Variants in CYP2C19 observed in about 807,000 individuals in gnomAD.
The protein encoded by CYP2C19 is cytochrome P450 2C19.
CYP2C19 carries 59 observed loss-of-function variants against 40.9 expected under a neutral mutation model. The observed-to-expected ratio is 1.44, with a 90% CI of 1.17 to 1.79. CYP2C19 has a LOEUF of 1.79. CYP2C19 is among the 40% of genes most tolerant of loss of function. The probability of loss-of-function intolerance (pLI) is 0.00; values close to 1 mark genes in which losing one functional copy is unlikely to be tolerated. For synonymous variants in CYP2C19, 253 were observed against 208.7 expected, an observed-to-expected ratio of 1.21 and a Z score of -1.83; for missense variants, 754 against 596.9, an observed-to-expected ratio of 1.26 and a Z score of -2.74.
chr10:94,785,609 A>G (rs907011770), intron 5 of CYP2C19, among the ~76,000 whole-genome samples: 2 of 152,166 alleles, frequency 1.3e-5, no homozygotes, highest in African/African-American at 4.8e-5. Flanking sequence ...ACTGATACAG[A>G]AATTAAGAAG....
At chr10:94,800,956 C>T (rs1001716678) in intron 5 of CYP2C19, among the ~76,000 whole-genome samples, 5 of 152,318 alleles carry the variant, frequency 3.3e-5, no homozygotes, top group African/African-American at 1.2e-4. Context: ...AGGGAAATCC[C>T]TTAACACCTT....
At chr10:94,791,884 A>T (rs983257245) in intron 5 of CYP2C19, among the ~76,000 whole-genome samples, 1 of 152,120 alleles carries the variant, frequency 6.6e-6, no homozygotes, top group Non-Finnish European at 1.5e-5. Flanking sequence ...TATTAGGTCC[A>T]CTTGGTGCAG....
At chr10:94,785,958 C>G (rs952884305) in intron 5 of CYP2C19, among the ~76,000 whole-genome samples, 4 of 152,096 alleles carry the variant, frequency 2.6e-5, no homozygotes, top group Non-Finnish European at 4.4e-5. Context: ...AAATGCCACA[C>G]CTGATTGAGC....
In CYP2C19 at chr10:94,794,577, G is replaced by C. The variant is rs369887659; in HGVS notation, c.819+12580G>C. Among the ~76,000 whole-genome samples, 2 of 151,908 alleles carry C rather than the reference G, an allele frequency of 1.3e-5. 1 individual carries two copies. ...ATTTCTTTGTGTCCTCTTTTATTTTGTTGAGCAGTGGTTGGTAGTTCTCCT... is the reference window on the plus strand; with the variant it reads ...ATTTCTTTGTGTCCTCTTTTATTTTCTTGAGCAGTGGTTGGTAGTTCTCCT... On this transcript the variant is annotated intron_variant, in intron 5 of 8. Coordinates refer to ENST00000371321, the MANE Select transcript of CYP2C19 (RefSeq NM_000769.4).
At chr10:94,786,483 T>C (rs2134243158) in intron 5 of CYP2C19, among the ~76,000 whole-genome samples, 1 of 152,226 alleles carries the variant, frequency 6.6e-6, no homozygotes, top group East Asian at 1.9e-4. Flanking sequence ...GTTATGATCA[T>C]TGCTTGCCTG....
rs147064804 is a variant in CYP2C19, at chr10:94,838,655, G to C, written c.962-4182G>C. Among the ~76,000 whole-genome samples, 474 of 152,108 alleles carry C rather than the reference G, an allele frequency of 3.1e-3. 3 individuals are homozygous for C. The highest frequency in any genetic ancestry group is 0.011 in the African/African-American group (451 of 41,486). Reference sequence around the variant, plus strand: ...TCTTTTTGGACGGTTTGTGTTGAAGGGGGATCCTTGTTAGCTGGGGAAGGA... The same window carrying C: ...TCTTTTTGGACGGTTTGTGTTGAAGCGGGATCCTTGTTAGCTGGGGAAGGA... On this transcript the variant is annotated intron_variant, in intron 6 of 8. Coordinates refer to ENST00000371321, the MANE Select transcript of CYP2C19 (RefSeq NM_000769.4).
chr10:94,791,044 A>C (rs751899079), intron 5 of CYP2C19, among the ~76,000 whole-genome samples: 3 of 151,916 alleles, frequency 2.0e-5, no homozygotes, highest in Non-Finnish European at 4.4e-5. Context: ...TCAATTTCAG[A>C]GCCTGTTATT....
At chr10:94,798,924 A>T (rs1025771452) in intron 5 of CYP2C19, among the ~76,000 whole-genome samples, 13 of 148,324 alleles carry the variant, frequency 8.8e-5, no homozygotes, top group African/African-American at 3.0e-4. Context: ...TCTCCTGAAT[A>T]CAGCACACTG....
chr10:94,813,646 C>T (rs1010039853), intron 5 of CYP2C19, among the ~76,000 whole-genome samples: 4 of 151,786 alleles, frequency 2.6e-5, no homozygotes, highest in South Asian at 2.1e-4. Context: ...CCCCCAAGCT[C>T]GAACATCCCC....
rs144337084 is a variant in CYP2C19, at chr10:94,796,657, C to G, written c.819+14660C>G. On this transcript the variant is annotated intron_variant, in intron 5 of 8. Coordinates refer to ENST00000371321, the MANE Select transcript of CYP2C19 (RefSeq NM_000769.4). ...GAATGTTCTTCCATTAGTTTGTGTC[C>G]TGTTTTATTTCATTGAGCAGTGGTT... is the stretch of plus-strand genomic sequence containing the variant. 9.0e-3 allele frequency among the ~76,000 whole-genome samples: 1,373 copies of G among 152,118 alleles called. 16 individuals carry two copies. Among genetic ancestry groups the G allele is most frequent in the Non-Finnish European group, 0.012 (808 of 68,006 alleles).
intron 6 of CYP2C19, among the ~76,000 whole-genome samples, chr10:94,827,554 T>C (rs1849249519): frequency 1.3e-5 from 2 of 152,182 alleles, no homozygotes; most frequent in South Asian, 4.1e-4. Context: ...CTTCTCTCTC[T>C]TTTTCTTTAT....
rs1849683664 is a variant in CYP2C19, at chr10:94,853,337, T to C, written c.*423T>C. On this transcript the variant is annotated 3_prime_UTR_variant, in exon 9 of 9. Transcript: ENST00000371321. The stretch of plus-strand genomic sequence containing the variant: ...AAGAAAATAGAGTTCCAGGAGGCCA[T>C]GCTGGTTCTCAAAACGATAAGGACA... 2 of 402,520 alleles carry C rather than the reference T, an allele frequency of 5.0e-6. No homozygotes were observed. Among genetic ancestry groups the C allele is most frequent in the Admixed American group, 3.8e-5 (1 of 26,574 alleles). 24.9% of individuals were successfully genotyped at this position (402,520 alleles called of 1,614,324 possible). A position where few individuals can be genotyped will look rare whatever the true frequency, so the allele number is the denominator to read the frequency against.
intron 1 of CYP2C19, among the ~76,000 whole-genome samples, chr10:94,764,801 C>T (rs1470255584): frequency 6.6e-6 from 1 of 152,096 alleles, no homozygotes; most frequent in Non-Finnish European, 1.5e-5. Flanking sequence ...GTTAAAAATA[C>T]AGGGCCTGAA....
intron 6 of CYP2C19, among the ~76,000 whole-genome samples, chr10:94,831,765 A>G (rs1409421252): frequency 6.6e-6 from 1 of 151,034 alleles, no homozygotes; most frequent in Non-Finnish European, 1.5e-5. Flanking sequence ...ATTTTTTTCT[A>G]TAGAGTTACT....
chr10:94,853,577 A>C lies in CYP2C19; in HGVS notation c.*663A>C, dbSNP rs1237537288. Among the ~76,000 whole-genome samples the C allele has an allele frequency of 1.5e-5, 2 of 136,158 alleles. No individual in the cohort carries two copies. The highest frequency in any genetic ancestry group is 2.3e-4 in the South Asian group (1 of 4,336). 89.3% of individuals were successfully genotyped at this position (136,158 alleles called of 152,430 possible). ...TTTTTTTTTTTTGAGACAATGTCTC[A>C]CTCTGTCTCCCAGGCTGGAGTGCAG... On this transcript the variant is annotated 3_prime_UTR_variant, in exon 9 of 9. Coordinates refer to ENST00000371321, the MANE Select transcript of CYP2C19 (RefSeq NM_000769.4).
chr10:94,780,438 A>G lies in CYP2C19; in HGVS notation c.482-61A>G, dbSNP rs1053008375. The G allele has an allele frequency of 2.7e-5, 43 of 1,590,960 alleles. 1 individual carries two copies. The highest frequency in any genetic ancestry group is 3.4e-5 in the Non-Finnish European group (40 of 1,168,128). Reference sequence around the variant, plus strand: ...TCTAAACTATTATTATCTGTTAACAAATATGAAGTGTTTTATATCTAATGT... The same window carrying G: ...TCTAAACTATTATTATCTGTTAACAGATATGAAGTGTTTTATATCTAATGT... On this transcript the variant is annotated intron_variant, in intron 3 of 8. Coordinates refer to ENST00000371321, the MANE Select transcript of CYP2C19 (RefSeq NM_000769.4).
intron 3 of CYP2C19, among the ~76,000 whole-genome samples, chr10:94,777,370 C>T (rs1848422183): frequency 6.6e-6 from 1 of 152,072 alleles, no homozygotes; most frequent in Non-Finnish European, 1.5e-5. Context: ...AAGAACAAAG[C>T]TGGAGGCATC....
Position 94,834,233 on chromosome 10 carries a change from C to T in CYP2C19, c.962-8604C>T, listed in dbSNP as rs189650010. ...TCTTCCTGGTTCAATCTCAATAGGT[C>T]ATATATGTCTAAGGATTTGTCCATT... On this transcript the variant is annotated intron_variant, in intron 6 of 8. Transcript: ENST00000371321. 2.0e-5 allele frequency among the ~76,000 whole-genome samples: 3 copies of T among 152,178 alleles called. No individual in the cohort carries two copies. The East Asian group carries it at 5.8e-4, about 29-fold the overall frequency.
chr10:94,850,411 C>T (rs145752615), intron 8 of CYP2C19, among the ~76,000 whole-genome samples: 5 of 152,154 alleles, frequency 3.3e-5, no homozygotes, highest in African/African-American at 1.2e-4. Context: ...CAGAACTTCA[C>T]TGAGTGTCTT....
Sources: allele counts gnomAD v4.1 joint callset (sites outside exome capture counted in the v4.1 genomes callset), GRCh38; gene constraint gnomAD v4.1.1; transcripts MANE v1.5; gene names NCBI Gene and HGNC (gene_info 2026-07-23, HGNC 2026-07-21).